KPNA4: variants seen among roughly 807,000 people sequenced by gnomAD.
The protein encoded by KPNA4 is karyopherin subunit alpha 4.
A neutral mutation model predicts 71.3 loss-of-function variants in KPNA4; 13 were observed. That is an observed-to-expected ratio of 0.18 (90% confidence interval 0.12 to 0.29). KPNA4 has a LOEUF of 0.29. Among genes scored for constraint, KPNA4 ranks in the 10% least tolerant of loss-of-function variants. The pLI is 1.00. For synonymous variants in KPNA4, 189 were observed against 195.2 expected (o/e 0.97, Z 0.26); for missense variants, 334 against 603.2 (o/e 0.55, Z 4.67).
chr3:160,495,945 CCT>C lies in KPNA4; in HGVS notation c.*6157_*6158del, dbSNP rs1311873315. 1 of 148,774 alleles carries C rather than the reference CCT, an allele frequency of 6.7e-6. No individual in the cohort carries two copies. The highest frequency in any genetic ancestry group is 1.5e-5 in the Non-Finnish European group (1 of 67,486). The allele number at this position is 148,774 out of a possible 1,614,324, so 9.2% of individuals were successfully genotyped here. A position where few individuals can be genotyped will look rare whatever the true frequency, so the allele number is the denominator to read the frequency against. The stretch of plus-strand genomic sequence containing the variant: ...TTTTTTTTTTTTTTAAGGTAAATAC[CCT>C]CTTTAGCTGAGTCCAAGACTTTGGA... On this transcript the variant is annotated 3_prime_UTR_variant, in exon 17 of 17. Coordinates refer to ENST00000334256, the MANE Select transcript of KPNA4 (RefSeq NM_002268.5).
chr3:160,555,043 GAC>G (rs1219419198), intron 1 of KPNA4, among the ~76,000 whole-genome samples: 19 of 152,148 alleles, frequency 1.2e-4, no homozygotes, highest in African/African-American at 4.3e-4. Context: ...TGAAGTGGGG[GAC>G]ACTCCCATGG....
chr3:160,539,012 CTGG>C (rs1721742870), intron 1 of KPNA4, among the ~76,000 whole-genome samples: 1 of 152,128 alleles, frequency 6.6e-6, no homozygotes, highest in Non-Finnish European at 1.5e-5. Context: ...TAAACTGTCC[CTGG>C]TACACAGCAG....
At chr3:160,525,761 C>T (rs371959888) in intron 10 of KPNA4, 39 bp downstream of exon 10, 6 of 1,345,780 alleles carry the variant, frequency 4.5e-6, no homozygotes, top group South Asian at 1.6e-5. Flanking sequence ...GAAATACATA[C>T]ATACATACAT....
chr3:160,538,116 T>C (rs1721725165), intron 1 of KPNA4, among the ~76,000 whole-genome samples: 1 of 149,688 alleles, frequency 6.7e-6, no homozygotes, highest in African/African-American at 2.4e-5. Flanking sequence ...ACACTATATA[T>C]ATATATGTAT....
At chr3:160,541,611 TGA>T (rs1283563693) in intron 1 of KPNA4, among the ~76,000 whole-genome samples, 2 of 151,192 alleles carry the variant, frequency 1.3e-5, no homozygotes, top group East Asian at 1.9e-4. Flanking sequence ...GTGAATTTTA[TGA>T]GAGGTAATAA....
chr3:160,553,801 T>C (rs945089050), intron 1 of KPNA4, among the ~76,000 whole-genome samples: 4 of 152,234 alleles, frequency 2.6e-5, no homozygotes, highest in Non-Finnish European at 5.9e-5. Flanking sequence ...CTCAAGGAGA[T>C]ATCAGATACA....
rs569924038 is a variant in KPNA4 at position 160,554,839 on chromosome 3, C to T, written c.69+10375G>A. ...AAACTCAGTGCCCCTTCCCGCATAC[C>T]ACATCTGGCTGTTCATCTGTATCCT... On this transcript the variant is annotated intron_variant, in intron 1 of 16. Transcript: ENST00000334256. 2.0e-5 allele frequency among the ~76,000 whole-genome samples: 3 copies of T among 152,310 alleles called. No individual in the cohort carries two copies. In the South Asian group the frequency reaches 6.2e-4, roughly 32 times the overall value.
At chr3:160,551,213 G>A (rs1722034552) in intron 1 of KPNA4, among the ~76,000 whole-genome samples, 1 of 152,170 alleles carries the variant, frequency 6.6e-6, no homozygotes, top group Non-Finnish European at 1.5e-5. Flanking sequence ...CAGGTTATGT[G>A]TTTTAGGAAT....
chr3:160,504,237 TAACAA>T, intron 16 of KPNA4, among the ~76,000 whole-genome samples: 2 of 152,306 alleles, frequency 1.3e-5, no homozygotes, highest in Admixed American at 1.3e-4. Context: ...TATACATACT[TAACAA>T]AATGTTTAAT....
At chr3:160,512,393 T>C (rs996544998) in intron 13 of KPNA4, among the ~76,000 whole-genome samples, 1 of 152,166 alleles carries the variant, frequency 6.6e-6, no homozygotes, top group Non-Finnish European at 1.5e-5. Context: ...GCAAAATATA[T>C]TTTAAAAATT....
intron 15 of KPNA4, among the ~76,000 whole-genome samples, chr3:160,506,248 A>G (rs1720982290): frequency 6.6e-6 from 1 of 151,632 alleles, no homozygotes; most frequent in Admixed American, 6.6e-5. Flanking sequence ...GGCTCACTGC[A>G]GCCTCTGCCT....
Position 160,497,765 on chromosome 3 carries a change from G to T in KPNA4, c.*4339C>A, listed in dbSNP as rs1160074108. 2 of 152,122 alleles carry T rather than the reference G, an allele frequency of 1.3e-5. No homozygotes were observed. The highest frequency in any genetic ancestry group is 4.8e-5 in the African/African-American group (2 of 41,434). 9.4% of individuals were successfully genotyped at this position (152,122 alleles called of 1,614,324 possible). ...CTTGGCCTTCAAAACGCCAATGGTG[G>T]ATTCTAACTGAAATTTTATATATAA... is the stretch of plus-strand genomic sequence containing the variant. On this transcript the variant is annotated 3_prime_UTR_variant, in exon 17 of 17. Coordinates refer to ENST00000334256, the MANE Select transcript of KPNA4 (RefSeq NM_002268.5).
At chr3:160,506,729 T>C (rs1720990453) in intron 15 of KPNA4, among the ~76,000 whole-genome samples, 1 of 152,240 alleles carries the variant, frequency 6.6e-6, no homozygotes. Context: ...AATCAAGTAG[T>C]AAAAATAATT....
At chr3:160,551,551 G>C (rs1722040310) in intron 1 of KPNA4, among the ~76,000 whole-genome samples, 1 of 152,178 alleles carries the variant, frequency 6.6e-6, no homozygotes, top group African/African-American at 2.4e-5. Context: ...AAGCAGAACT[G>C]AATGTTAAAT....
intron 1 of KPNA4, among the ~76,000 whole-genome samples, chr3:160,543,498 A>G (rs1449450506): frequency 1.3e-5 from 2 of 151,794 alleles, no homozygotes; most frequent in Non-Finnish European, 1.5e-5. Context: ...AAGCCTGGCT[A>G]ATTTTTGTAT....
intron 1 of KPNA4, among the ~76,000 whole-genome samples, chr3:160,563,518 C>G (rs1722284372): frequency 6.6e-6 from 1 of 152,044 alleles, no homozygotes; most frequent in South Asian, 2.1e-4. Context: ...GTATGGCATG[C>G]GAATTACATC....
intron 1 of KPNA4, among the ~76,000 whole-genome samples, chr3:160,554,879 A>G (rs922001154): frequency 3.9e-5 from 6 of 152,210 alleles, no homozygotes; most frequent in African/African-American, 1.4e-4. Context: ...AATATAGTTT[A>G]TTTTAAAAAA....
chr3:160,513,893 C>A lies in KPNA4; in HGVS notation c.1137+184G>T, dbSNP rs563486197. On this transcript the variant is annotated intron_variant, in intron 13 of 16. Coordinates refer to ENST00000334256, the MANE Select transcript of KPNA4 (RefSeq NM_002268.5). ...GGGCTAGGATTTGCCCCCCACCCCC[C>A]AAAAAGTTTCTTGTATATAAAAATG... Among the ~76,000 whole-genome samples the A allele has an allele frequency of 1.4e-4, 22 of 152,066 alleles. No individual in the cohort carries two copies. In the East Asian group the frequency reaches 2.5e-3, roughly 17 times the overall value.
At position 160,499,021 on chromosome 3, in the gene KPNA4, A is replaced by G. The variant is rs1720823640; in HGVS notation, c.*3083T>C. 1 of 152,196 alleles carries G rather than the reference A, an allele frequency of 6.6e-6. No homozygotes were observed. Among genetic ancestry groups the G allele is most frequent in the African/African-American group, 2.4e-5 (1 of 41,448 alleles). The allele number at this position is 152,196 out of a possible 1,614,324, so 9.4% of individuals were successfully genotyped here. ...TTACAATAAACCCAGTCATTTTACA[A>G]TGCAGTTATACCTTTAAAGAAACAA... On this transcript the variant is annotated 3_prime_UTR_variant, in exon 17 of 17. Coordinates refer to ENST00000334256, the MANE Select transcript of KPNA4 (RefSeq NM_002268.5).
Sources: gnomAD v4.1 joint callset for allele counts (sites outside exome capture counted in the v4.1 genomes callset) on GRCh38, gnomAD v4.1.1 for gene constraint, MANE v1.5 for transcripts, NCBI Gene and HGNC (gene_info 2026-07-23, HGNC 2026-07-21) for gene names.